Variants in KAZN observed in about 807,000 individuals in gnomAD.
KAZN encodes kazrin, periplakin interacting protein, also known as kazrin.
A neutral mutation model predicts 87.4 loss-of-function variants in KAZN; 40 were observed. The ratio of observed to expected loss-of-function variants is 0.46; its 90% CI spans 0.36 to 0.60. The LOEUF is 0.60. Ranked by LOEUF, KAZN falls within the 20% of genes least tolerant of loss-of-function variation. The pLI is 0.00. For synonymous variants in KAZN, 466 were observed against 458.3 expected, an observed-to-expected ratio of 1.02 and a Z score of -0.22; for missense variants, 898 against 1,073.9, an observed-to-expected ratio of 0.84 and a Z score of 2.29.
intron 1 of KAZN, among the ~76,000 whole-genome samples, chr1:14,859,075 C>T (rs1230170240): frequency 6.6e-6 from 1 of 151,994 alleles, no homozygotes; most frequent in African/African-American, 2.4e-5. Flanking sequence ...GGCGTGGTGG[C>T]GGGCGCCTGT....
rs368768615 is a variant in KAZN at position 14,277,662 on chromosome 1, G to GA, written c.249+97085dup. 2.8e-3 allele frequency among the ~76,000 whole-genome samples: 310 copies of GA among 112,284 alleles called. 1 individual carries two copies. Among genetic ancestry groups the GA allele is most frequent in the South Asian group, 3.4e-3 (11 of 3,244 alleles). 73.7% of individuals were successfully genotyped at this position (112,284 alleles called of 152,430 possible). On this transcript the variant is annotated intron_variant, in intron 2 of 16. Coordinates refer to the KAZN transcript ENST00000636203. ...TGGTGACAGAGCGAGACTCCCTCTT[G>GA]AAAAAAAAAAAAAAAGAAAAAAGAA...
intron 2 of KAZN, among the ~76,000 whole-genome samples, chr1:14,425,463 C>T (rs919795362): frequency 1.3e-5 from 2 of 152,156 alleles, no homozygotes; most frequent in African/African-American, 2.4e-5. Context: ...CTGCCATGCC[C>T]TCACATGTCC....
chr1:14,942,710 C>T (rs1483831358), intron 1 of KAZN, among the ~76,000 whole-genome samples: 1 of 152,188 alleles, frequency 6.6e-6, no homozygotes, highest in Admixed American at 6.5e-5. Context: ...GGGCTTGTGC[C>T]TTGGGCTAGC....
intron 1 of KAZN, among the ~76,000 whole-genome samples, chr1:14,720,967 C>T (rs1414137768): frequency 6.6e-6 from 1 of 152,188 alleles, no homozygotes; most frequent in Non-Finnish European, 1.5e-5. Context: ...GACCTGATGA[C>T]CAGTTCTGGC....
chr1:14,893,992 G>A (rs1264800142), intron 1 of KAZN, among the ~76,000 whole-genome samples: 2 of 152,148 alleles, frequency 1.3e-5, no homozygotes, highest in African/African-American at 4.8e-5. Context: ...TTGATGAAGA[G>A]TATAATTAAT....
chr1:14,973,843 G>A (rs1665340287), intron 2 of KAZN, among the ~76,000 whole-genome samples: 1 of 152,098 alleles, frequency 6.6e-6, no homozygotes, highest in African/African-American at 2.4e-5. Flanking sequence ...TTCTAGAAGG[G>A]TGCACCGGTT....
intron 2 of KAZN, among the ~76,000 whole-genome samples, chr1:14,256,149 C>T (rs1650495215): frequency 6.6e-6 from 1 of 152,064 alleles, no homozygotes; most frequent in Non-Finnish European, 1.5e-5. Context: ...TTTCCTAATC[C>T]TTCTATGCTG....
At chr1:14,730,716 C>A (rs1006559372) in intron 1 of KAZN, among the ~76,000 whole-genome samples, 1 of 152,160 alleles carries the variant, frequency 6.6e-6, no homozygotes, top group Non-Finnish European at 1.5e-5. Context: ...CTACATTTTC[C>A]CATGCAAGTG....
At chr1:15,036,821 G>A (rs955557032) in intron 3 of KAZN, among the ~76,000 whole-genome samples, 2 of 152,180 alleles carry the variant, frequency 1.3e-5, no homozygotes, top group Non-Finnish European at 2.9e-5. Context: ...TACAGGAAGA[G>A]TTCTCAGAGC....
chr1:15,066,437 C>T lies in KAZN; in HGVS notation c.1222+684C>T. 1 of 985,306 alleles carries T rather than the reference C, an allele frequency of 1.0e-6. No homozygotes were observed. The highest frequency in any genetic ancestry group is 1.7e-5 in the African/African-American group (1 of 57,302). 61.0% of individuals were successfully genotyped at this position (985,306 alleles called of 1,614,324 possible). On this transcript the variant is annotated intron_variant, in intron 8 of 14. Coordinates refer to ENST00000376030, the MANE Select transcript of KAZN (RefSeq NM_201628.3). This position sits in a 1 kb window ranked among gnomAD's most constrained non-coding sequence, Gnocchi z 4.3. ...GCCATCGTCGTCAGGGTAAGCTCTG[C>T]TCTCTACAAAGACTCGCGAGCCGGG...
chr1:14,513,983 G>A lies in KAZN; in HGVS notation c.250-85000G>A, dbSNP rs866459487. 4.6e-5 allele frequency among the ~76,000 whole-genome samples: 7 copies of A among 151,670 alleles called. No homozygotes were observed. The South Asian group carries it at 1.0e-3, about 23-fold the overall frequency. ...ACATATTTAACCATTTGAAGTCAGGGACATTTGAGTTTTTGAGGCATAAGC... is the reference window on the plus strand; with the variant it reads ...ACATATTTAACCATTTGAAGTCAGGAACATTTGAGTTTTTGAGGCATAAGC... On this transcript the variant is annotated intron_variant, in intron 2 of 16. Coordinates refer to the KAZN transcript ENST00000636203.
chr1:14,037,189 A>G lies in KAZN; in HGVS notation c.92-143246A>G, dbSNP rs556986515. Among the ~76,000 whole-genome samples, 92 of 152,346 alleles carry G rather than the reference A, an allele frequency of 6.0e-4. No homozygotes were observed. The Middle Eastern group carries it at 0.017, about 28-fold the overall frequency. On this transcript the variant is annotated intron_variant, in intron 1 of 16. Coordinates refer to the KAZN transcript ENST00000636203. Reference sequence around the variant, plus strand: ...TACATCATAGACCTCTCTCCATGCCAGTAAATACAGTTCTACAATACTAGT... The same window carrying G: ...TACATCATAGACCTCTCTCCATGCCGGTAAATACAGTTCTACAATACTAGT...
intron 2 of KAZN, among the ~76,000 whole-genome samples, chr1:14,345,926 G>A (rs969417476): frequency 6.6e-6 from 1 of 152,220 alleles, no homozygotes. Context: ...AGGGAAGTTA[G>A]GGTCAGGTGT....
intron 1 of KAZN, among the ~76,000 whole-genome samples, chr1:14,810,201 T>C (rs571840346): frequency 6.6e-6 from 1 of 152,126 alleles, no homozygotes; most frequent in Non-Finnish European, 1.5e-5. Flanking sequence ...TCAAGAATCA[T>C]GGACTGGGAG....
chr1:14,343,834 AT>A (rs1468875811), intron 2 of KAZN, among the ~76,000 whole-genome samples: 4 of 152,112 alleles, frequency 2.6e-5, no homozygotes, highest in Admixed American at 2.6e-4. Flanking sequence ...CTCTCCTTTC[AT>A]TTCCTTCGGC....
At chr1:13,897,877 T>G (rs1235777655) in intron 1 of KAZN, among the ~76,000 whole-genome samples, 1 of 152,204 alleles carries the variant, frequency 6.6e-6, no homozygotes, top group Non-Finnish European at 1.5e-5. Flanking sequence ...TCATCTCACT[T>G]AATAGTCCTG....
chr1:14,271,607 GTC>G (rs1468929147), intron 2 of KAZN, among the ~76,000 whole-genome samples: 1 of 152,000 alleles, frequency 6.6e-6, no homozygotes, highest in Non-Finnish European at 1.5e-5. Flanking sequence ...CTCTCTCTCT[GTC>G]TCTCTCATCT....
intron 2 of KAZN, among the ~76,000 whole-genome samples, chr1:14,437,729 G>A (rs1471038291): frequency 3.9e-5 from 6 of 152,176 alleles, no homozygotes; most frequent in Admixed American, 3.9e-4. Flanking sequence ...TCTGCATGCT[G>A]AGAGCCGCGT....
chr1:14,850,955 C>A lies in KAZN; in HGVS notation c.227-109729C>A, dbSNP rs1353191682. The stretch of plus-strand genomic sequence containing the variant: ...TGGTTCCGAGGGCCTGCTCACAGTA[C>A]CTGAGAGACAGCACGCAGTCTTTCT... On this transcript the variant is annotated intron_variant, in intron 1 of 14. Transcript: ENST00000376030. Among the ~76,000 whole-genome samples, 4 of 152,184 alleles carry A rather than the reference C, an allele frequency of 2.6e-5. No individual in the cohort carries two copies. The East Asian group carries it at 7.7e-4, about 29-fold the overall frequency.
Sources: gnomAD v4.1 joint callset for allele counts (sites outside exome capture counted in the v4.1 genomes callset) on GRCh38, gnomAD v4.1.1 for gene constraint, Gnocchi (gnomAD v3.1) non-coding constraint, MANE v1.5 for transcripts, NCBI Gene and HGNC (gene_info 2026-07-23, HGNC 2026-07-21) for gene names.